FUT8: variants seen among roughly 807,000 people sequenced by gnomAD.
The protein encoded by FUT8 is alpha-(1,6)-fucosyltransferase.
In FUT8, 29 loss-of-function variants were observed where a neutral mutation model predicts 71.3. The ratio of observed to expected loss-of-function variants is 0.41; its 90% CI spans 0.30 to 0.55. The LOEUF (loss-of-function observed/expected upper bound fraction) is 0.55, where lower values mean the gene tolerates loss of function less well. FUT8 is among the 20% of genes least tolerant of loss of function. The probability of loss-of-function intolerance (pLI) is 0.34; values close to 1 mark genes in which losing one functional copy is unlikely to be tolerated. For missense variants in FUT8, 544 were observed against 702.1 expected (o/e 0.77, Z 2.55); for synonymous variants, 254 against 239.3 (o/e 1.06, Z -0.57).
chr14:65,454,136 G>T (rs1203570607), intron 1 of FUT8, among the ~76,000 whole-genome samples: 1 of 152,122 alleles, frequency 6.6e-6, no homozygotes, highest in Non-Finnish European at 1.5e-5. Flanking sequence ...TTCCATAATG[G>T]CTGGAAGCAT....
chr14:65,368,281 C>T, the FUT8 span, among the ~76,000 whole-genome samples: 2 of 137,140 alleles, frequency 1.5e-5, 1 homozygote, highest in East Asian at 5.8e-4. Flanking sequence ...TCTTGACCTC[C>T]TGACCTTGTG....
chr14:65,736,906 TTC>T (rs1896243195), intron 10 of FUT8, among the ~76,000 whole-genome samples: 3 of 152,118 alleles, frequency 2.0e-5, no homozygotes, highest in Non-Finnish European at 4.4e-5. Flanking sequence ...CATGTAAACT[TTC>T]TGTCTCCTAT....
chr14:65,621,162 C>T (rs1439372080), intron 5 of FUT8, among the ~76,000 whole-genome samples: 3 of 152,060 alleles, frequency 2.0e-5, no homozygotes, highest in African/African-American at 7.2e-5. Context: ...TTCTTACATG[C>T]CAGTCACTAT....
At chr14:65,535,437 C>G (rs1002706328) in intron 2 of FUT8, among the ~76,000 whole-genome samples, 7 of 152,116 alleles carry the variant, frequency 4.6e-5, no homozygotes, top group Non-Finnish European at 7.4e-5. Flanking sequence ...TAGTGCTATA[C>G]ATTTCTCCCA....
chr14:65,601,961 A>G (rs1000453308), intron 3 of FUT8, among the ~76,000 whole-genome samples: 4 of 151,866 alleles, frequency 2.6e-5, no homozygotes, highest in African/African-American at 7.3e-5. Flanking sequence ...TATCTTTTGA[A>G]GTTTTGATGG....
chr14:65,528,541 GCTGCACCCACTGTC>G (rs1245348792), intron 2 of FUT8, among the ~76,000 whole-genome samples: 4 of 152,146 alleles, frequency 2.6e-5, no homozygotes, highest in Non-Finnish European at 5.9e-5. Context: ...CGCTTGGTGG[GCTGCACCCACTGTC>G]CTGCATCCAC....
the FUT8 span, among the ~76,000 whole-genome samples, chr14:65,378,403 G>A: frequency 1.1e-4 from 16 of 152,076 alleles, no homozygotes; most frequent in African/African-American, 2.7e-4. Context: ...TGATCTTGTC[G>A]TTATTTTGGA....
chr14:65,661,099 C>G lies in FUT8; in HGVS notation c.598-8144C>G, dbSNP rs146878767. Among the ~76,000 whole-genome samples the G allele has an allele frequency of 7.2e-5, 11 of 152,274 alleles. No homozygotes were observed. In the East Asian group the frequency reaches 2.1e-3, roughly 29 times the overall value. The stretch of plus-strand genomic sequence containing the variant: ...TTTGGTTTTTACTGAGCTGTCTTCA[C>G]TGGAAATAGGAGCTATCTTTGACTT... On this transcript the variant is annotated intron_variant, in intron 6 of 10. Transcript: ENST00000673929.
chr14:65,455,500 G>A (rs2065883992), intron 1 of FUT8, 121 bp from the exon 2 acceptor site: 1 of 391,528 alleles, frequency 2.6e-6, no homozygotes, highest in Non-Finnish European at 4.5e-6. Flanking sequence ...TACAAAATAA[G>A]TGAATTTGCA....
chr14:65,577,411 G>A (rs10142283), intron 3 of FUT8, among the ~76,000 whole-genome samples: 104,448 of 151,854 alleles, frequency 0.69, 36,184 homozygotes, highest in East Asian at 0.85. Flanking sequence ...TAAAAAAGTC[G>A]TGTAAGGGGG....
intron 9 of FUT8, among the ~76,000 whole-genome samples, chr14:65,725,417 T>C (rs556881990): frequency 1.3e-5 from 2 of 152,290 alleles, no homozygotes; most frequent in East Asian, 3.9e-4. Context: ...AAATCCTGAT[T>C]GGACACTTCT....
chr14:65,557,851 T>C (rs1463439337), intron 2 of FUT8, among the ~76,000 whole-genome samples: 4 of 152,168 alleles, frequency 2.6e-5, no homozygotes, highest in African/African-American at 7.2e-5. Context: ...TTAGCTGATA[T>C]ATGTAATTTT....
chr14:65,621,585 G>T (rs1034018741), intron 5 of FUT8, among the ~76,000 whole-genome samples: 3 of 147,944 alleles, frequency 2.0e-5, no homozygotes, highest in African/African-American at 7.5e-5. Flanking sequence ...ATTTAAGATG[G>T]AGTTTCGCTC....
chr14:65,514,284 A>G (rs75689804), intron 2 of FUT8, among the ~76,000 whole-genome samples: 4,038 of 150,926 alleles, frequency 0.027, 170 homozygotes, highest in African/African-American at 0.094. Context: ...ATAAGAAAGA[A>G]TGTTTGTAAG....
At chr14:65,659,047 T>C (rs1891831778) in intron 6 of FUT8, among the ~76,000 whole-genome samples, 1 of 152,104 alleles carries the variant, frequency 6.6e-6, no homozygotes, top group Admixed American at 6.6e-5. Context: ...CAGTTTATTA[T>C]GGATCTTAAG....
At chr14:65,477,768 C>G (rs951721405) in intron 2 of FUT8, among the ~76,000 whole-genome samples, 2 of 151,954 alleles carry the variant, frequency 1.3e-5, no homozygotes, top group African/African-American at 4.8e-5. Flanking sequence ...ATCTTCTAGC[C>G]TGGGTAAGTT....
the FUT8 span, among the ~76,000 whole-genome samples, chr14:65,374,636 C>A: frequency 4.6e-5 from 7 of 151,828 alleles, no homozygotes; most frequent in Non-Finnish European, 7.4e-5. Flanking sequence ...TCTCTGTCAC[C>A]CAGGCTGGAG....
In FUT8 at chr14:65,412,825, C is replaced by G. The variant is rs749117913; in HGVS notation, c.-715C>G. The G allele has an allele frequency of 1.2e-5, 2 of 166,614 alleles. No individual in the cohort carries two copies. Among genetic ancestry groups the G allele is most frequent in the African/African-American group, 2.4e-5 (1 of 41,528 alleles). 10.3% of individuals were successfully genotyped at this position (166,614 alleles called of 1,614,324 possible). On this transcript the variant is annotated 5_prime_UTR_variant, in exon 1 of 11. Coordinates refer to ENST00000673929, the MANE Select transcript of FUT8 (RefSeq NM_001371533.1). Reference sequence around the variant, plus strand: ...GTGCGCGCGTTATCTCCGGCCGACCCGAGCAGCCGGTTCCCTCCTCTCCAG... The same window carrying G: ...GTGCGCGCGTTATCTCCGGCCGACCGGAGCAGCCGGTTCCCTCCTCTCCAG...
intron 2 of FUT8, among the ~76,000 whole-genome samples, chr14:65,557,577 C>T (rs1049326500): frequency 1.3e-5 from 2 of 151,536 alleles, no homozygotes; most frequent in Non-Finnish European, 1.5e-5. Context: ...GTGATCCACC[C>T]GCCTCAGCCT....
Sources: allele counts gnomAD v4.1 joint callset (sites outside exome capture counted in the v4.1 genomes callset), GRCh38; gene constraint gnomAD v4.1.1; transcripts MANE v1.5; gene names NCBI Gene and HGNC (gene_info 2026-07-23, HGNC 2026-07-21).